The following LARP1 variants were observed in gnomAD, a reference collection of about 807,000 sequenced individuals.
LARP1 encodes La ribonucleoprotein 1, translational regulator.
Under a neutral mutation model 122.7 loss-of-function variants are expected in LARP1, and 36 were observed. The ratio of observed to expected loss-of-function variants is 0.29; its 90% CI spans 0.22 to 0.39. The LOEUF is 0.39. Ranked by LOEUF, LARP1 falls within the 10% of genes least tolerant of loss-of-function variation. LARP1 has a pLI of 1.00. For missense variants in LARP1, 1,040 were observed against 1,403.6 expected (o/e 0.74, Z 4.14); for synonymous variants, 539 against 528.7 (o/e 1.02, Z -0.27).
chr5:154,752,492 C>T (rs1403939576), upstream of LARP1, among the ~76,000 whole-genome samples: 1 of 152,046 alleles, frequency 6.6e-6, no homozygotes, highest in Non-Finnish European at 1.5e-5. Flanking sequence ...ATCTGCCTGC[C>T]TCAGCCTCCC....
intron 1 of LARP1, among the ~76,000 whole-genome samples, chr5:154,771,139 A>C (rs1490024093): frequency 1.3e-5 from 2 of 149,858 alleles, no homozygotes; most frequent in Non-Finnish European, 3.0e-5. Flanking sequence ...AAAGGATTGG[A>C]TCCTGTGCTG....
At chr5:154,785,767 A>G (rs1482555494) in intron 1 of LARP1, among the ~76,000 whole-genome samples, 1 of 152,034 alleles carries the variant, frequency 6.6e-6, no homozygotes, top group Non-Finnish European at 1.5e-5. Flanking sequence ...TAACCACTCC[A>G]CTTTACAGAG....
At chr5:154,777,628 T>G (rs1237755644) in intron 1 of LARP1, among the ~76,000 whole-genome samples, 2 of 152,204 alleles carry the variant, frequency 1.3e-5, no homozygotes, top group Non-Finnish European at 1.5e-5. Context: ...TTTAAAGATT[T>G]TTTAAAATGG....
At chr5:154,795,557 C>T (rs1488550096) in intron 8 of LARP1, among the ~76,000 whole-genome samples, 2 of 152,002 alleles carry the variant, frequency 1.3e-5, no homozygotes, top group Non-Finnish European at 2.9e-5. Context: ...CCATCATCAG[C>T]TTCGGCAGGT....
chr5:154,701,297 C>G (rs1754700986), intron 1 of LARP1, among the ~76,000 whole-genome samples: 1 of 152,198 alleles, frequency 6.6e-6, no homozygotes, highest in African/African-American at 2.4e-5. Flanking sequence ...GTTTGTCTGA[C>G]AGAATTGATG....
At chr5:154,740,163 G>A (rs1278435650) in intron 1 of LARP1, among the ~76,000 whole-genome samples, 8 of 151,298 alleles carry the variant, frequency 5.3e-5, no homozygotes, top group Non-Finnish European at 1.0e-4. Context: ...AGGCCGAGGC[G>A]GGTGGATCAC....
chr5:154,749,356 A>G (rs983447949), intron 1 of LARP1, among the ~76,000 whole-genome samples: 3 of 152,138 alleles, frequency 2.0e-5, no homozygotes, highest in African/African-American at 7.2e-5. Flanking sequence ...GAGTGTGTTA[A>G]AAGTTATTTA....
chr5:154,746,142 T>G (rs1434731336), intron 1 of LARP1, among the ~76,000 whole-genome samples: 1 of 152,164 alleles, frequency 6.6e-6, no homozygotes, highest in Non-Finnish European at 1.5e-5. Context: ...CTTTTTTCTG[T>G]GCCATGTGTG....
Position 154,792,736 on chromosome 5 carries a change from G to C in LARP1, c.679G>C (p.Glu227Gln). ...SKESPKTKSD[E>Q]SGEEKNGDED... ...GGAGAGTCCAAAAACCAAATCAGAT[G>C]AATCAGGGGAGGAAAAGAATGGAGA... Residue 227 changes from glutamate to glutamine, a missense_variant, in exon 4 of 19, where the codon GAA becomes CAA. Around this residue, in one of 8 missense-constraint regions of LARP1, gnomAD observed 257 missense variants for 273.3 expected, o/e 0.94. Transcript: ENST00000518297. The C allele has an allele frequency of 6.2e-7, 1 of 1,614,184 alleles. No individual in the cohort carries two copies. The highest frequency in any genetic ancestry group is 1.7e-5 in the Admixed American group (1 of 60,022).
chr5:154,805,655 C>A, intron 14 of LARP1: 1 of 496,676 alleles, frequency 2.0e-6, no homozygotes, highest in East Asian at 3.3e-5. Flanking sequence ...CTGGATGAGT[C>A]TCCTAATCTC....
chr5:154,703,937 A>T (rs1482284201), intron 1 of LARP1, among the ~76,000 whole-genome samples: 1 of 152,134 alleles, frequency 6.6e-6, no homozygotes, highest in African/African-American at 2.4e-5. Flanking sequence ...TTTTTAAATA[A>T]ATAAATATTC....
chr5:154,705,117 C>CAAA (rs35003168), intron 1 of LARP1, among the ~76,000 whole-genome samples: 3 of 107,178 alleles, frequency 2.8e-5, no homozygotes, highest in Non-Finnish European at 5.4e-5. Context: ...GACTCCGTCT[C>CAAA]AAAAAAAAAA....
intron 1 of LARP1, among the ~76,000 whole-genome samples, chr5:154,767,905 G>A (rs1285006507): frequency 6.6e-6 from 1 of 152,204 alleles, no homozygotes; most frequent in African/African-American, 2.4e-5. Context: ...TGGGAGACAG[G>A]AAATCAGGAA....
At chr5:154,794,800 TATATTGTCTCTCAG>T (rs1757616808) in intron 7 of LARP1, among the ~76,000 whole-genome samples, 1 of 152,360 alleles carries the variant, frequency 6.6e-6, no homozygotes, top group African/African-American at 2.4e-5. Context: ...ACCACTCTGA[TATATTGTCTCTCAG>T]TCCAGTAAGG....
intron 1 of LARP1, among the ~76,000 whole-genome samples, chr5:154,722,818 C>A (rs1755962727): frequency 6.6e-6 from 1 of 151,726 alleles, no homozygotes; most frequent in Non-Finnish European, 1.5e-5. Flanking sequence ...GTAGCTGGAA[C>A]TACAGGTGCG....
At chr5:154,718,246 C>T (rs1384245526) in intron 1 of LARP1, 1 of 152,214 alleles carries the variant, frequency 6.6e-6, no homozygotes, top group Non-Finnish European at 1.5e-5. Flanking sequence ...CAGGTCTCTG[C>T]ATCTAACTAG....
At chr5:154,738,820 G>A (rs190543657) in intron 1 of LARP1, among the ~76,000 whole-genome samples, 387 of 152,220 alleles carry the variant, frequency 2.5e-3, no homozygotes, top group African/African-American at 8.8e-3. Flanking sequence ...ACTTTGGGAC[G>A]CTGAGGTGGG....
At position 154,814,054 on chromosome 5, in the gene LARP1, A is replaced by G; in HGVS notation, c.3249A>G (p.Lys1083=). 1 of 1,614,080 alleles carries G rather than the reference A, an allele frequency of 6.2e-7. No homozygotes were observed. The change falls in exon 19 of 19, where the codon AAA becomes AAG. Residue 1083 remains lysine, a synonymous_variant. Transcript: ENST00000518297. ...PTGQPVREDA[K]WTSQHSNTQT... ...GCCAGCCTGTCCGGGAAGATGCCAA[A>G]TGGACAAGCCAGCACTCGAACACAC...
chr5:154,746,497 T>C (rs1753206375), intron 1 of LARP1, among the ~76,000 whole-genome samples: 2 of 152,258 alleles, frequency 1.3e-5, no homozygotes, highest in African/African-American at 4.8e-5. Context: ...TTTCTATGAA[T>C]ACTATCTGTG....
Sources: allele counts gnomAD v4.1 joint callset (sites outside exome capture counted in the v4.1 genomes callset), GRCh38; gene constraint gnomAD v4.1.1; regional missense constraint gnomAD v4.1.1; transcripts MANE v1.5; gene names NCBI Gene and HGNC (gene_info 2026-07-23, HGNC 2026-07-21).